The following GLDN variants were observed in gnomAD, a reference collection of about 807,000 sequenced individuals.
The protein encoded by GLDN is gliomedin, also known as collomin.
In GLDN, 47 loss-of-function variants were observed where a neutral mutation model predicts 56.5. The observed-to-expected ratio is 0.83, with a 90% CI of 0.66 to 1.06. GLDN has a LOEUF of 1.06. Among genes scored for constraint, GLDN ranks in the 50% least tolerant of loss-of-function variants. GLDN has a pLI of 0.00. For synonymous variants in GLDN, 332 were observed against 278.8 expected (o/e 1.19, Z -1.90); for missense variants, 782 against 714.3 (o/e 1.09, Z -1.08).
intron 2 of GLDN, among the ~76,000 whole-genome samples, chr15:51,380,044 C>T (rs1214865120): frequency 6.6e-6 from 1 of 152,126 alleles, no homozygotes; most frequent in African/African-American, 2.4e-5. Context: ...TGCCCCAGCC[C>T]CTACCAGAGT....
At chr15:51,390,647 G>C (rs1018111579) in intron 4 of GLDN, among the ~76,000 whole-genome samples, 15 of 152,214 alleles carry the variant, frequency 9.9e-5, no homozygotes, top group Admixed American at 7.2e-4. Context: ...AGCAACAAAT[G>C]ATACTGCTGA....
chr15:51,400,329 C>A, intron 7 of GLDN, 44 bp from the exon 8 acceptor site: 1 of 1,614,026 alleles, frequency 6.2e-7, no homozygotes. Flanking sequence ...ACCTTCAAGT[C>A]ATAATTGGCA....
chr15:51,345,360 G>A (rs751168926), intron 1 of GLDN, among the ~76,000 whole-genome samples: 57 of 152,136 alleles, frequency 3.7e-4, no homozygotes, highest in Non-Finnish European at 6.2e-4. Flanking sequence ...GATAATTGTT[G>A]TCCTTGAGGG....
rs977362732 is a variant in GLDN, at chr15:51,394,773, T to C, written c.542-62T>C. The C allele has an allele frequency of 7.6e-6, 12 of 1,574,006 alleles. No individual in the cohort carries two copies. In the African/African-American group the frequency reaches 1.2e-4, roughly 16 times the overall value. ...CTGGAAAGCACAAAGCACAGTAATA[T>C]AAAGTGGTGTGCCAGAACTTTTTGC... On this transcript the variant is annotated intron_variant, in intron 4 of 9. Coordinates refer to ENST00000335449, the MANE Select transcript of GLDN (RefSeq NM_181789.4).
intron 5 of GLDN, among the ~76,000 whole-genome samples, chr15:51,396,478 C>T (rs2038131915): frequency 6.6e-6 from 1 of 152,168 alleles, no homozygotes; most frequent in Non-Finnish European, 1.5e-5. Flanking sequence ...GAGGAAAGAG[C>T]AGGTGACAGC....
chr15:51,348,837 T>A (rs893295652), intron 1 of GLDN, among the ~76,000 whole-genome samples: 11 of 152,228 alleles, frequency 7.2e-5, no homozygotes, highest in Non-Finnish European at 1.6e-4. Flanking sequence ...CTCAGAATCA[T>A]GAGTGGCTTT....
chr15:51,380,087 A>G (rs2037724101), intron 2 of GLDN, among the ~76,000 whole-genome samples: 1 of 152,138 alleles, frequency 6.6e-6, no homozygotes, highest in Non-Finnish European at 1.5e-5. Flanking sequence ...TGGGGCAAGG[A>G]GTACAGAGGA....
At chr15:51,387,825 AATAC>A (rs1261798050) in intron 4 of GLDN, among the ~76,000 whole-genome samples, 4 of 152,126 alleles carry the variant, frequency 2.6e-5, no homozygotes, top group African/African-American at 9.7e-5. Flanking sequence ...TTGGAACCAT[AATAC>A]ATAGCCAGCA....
At chr15:51,391,929 T>C (rs569993162) in intron 4 of GLDN, among the ~76,000 whole-genome samples, 3 of 152,220 alleles carry the variant, frequency 2.0e-5, no homozygotes, top group Non-Finnish European at 4.4e-5. Context: ...GTAGCTGAAT[T>C]TCATAGTTTT....
chr15:51,401,542 C>T (rs2038249510), intron 8 of GLDN, 51 bp from the exon 9 acceptor site: 7 of 1,557,150 alleles, frequency 4.5e-6, no homozygotes, highest in Middle Eastern at 1.7e-4. Flanking sequence ...CCCTCCCAAG[C>T]TGTGATTGCT....
intron 2 of GLDN, 62 bp from the exon 3 acceptor site, chr15:51,383,374 G>T: frequency 1.9e-6 from 3 of 1,561,944 alleles, no homozygotes; most frequent in South Asian, 1.1e-5. Context: ...TGAAGGTCGG[G>T]GGTGCTCTTT....
rs892595998 is a variant in GLDN at position 51,390,271 on chromosome 15, A to ATTG, written c.542-4555_542-4553dup. Among the ~76,000 whole-genome samples, 148 of 152,352 alleles carry ATTG rather than the reference A, an allele frequency of 9.7e-4. 1 individual carries two copies. The highest frequency in any genetic ancestry group is 3.5e-3 in the African/African-American group (146 of 41,576). On this transcript the variant is annotated intron_variant, in intron 4 of 9. Coordinates refer to ENST00000335449, the MANE Select transcript of GLDN (RefSeq NM_181789.4). ...AAGTGCTATACTGGTGTTAGCTATT[A>ATTG]TTGTTGTTGTTTTCAAAAGTCGGGA...
intron 1 of GLDN, among the ~76,000 whole-genome samples, chr15:51,362,484 TAAAA>T (rs59898719): frequency 4.6e-5 from 6 of 131,834 alleles, no homozygotes; most frequent in Admixed American, 1.5e-4. Context: ...GACTCTGTCT[TAAAA>T]AAAAAAAAAA....
At chr15:51,385,920 G>A (rs2037880652) in intron 4 of GLDN, among the ~76,000 whole-genome samples, 1 of 152,190 alleles carries the variant, frequency 6.6e-6, no homozygotes, top group Admixed American at 6.5e-5. Context: ...TGTACTCAGA[G>A]AAAAACGGGG....
intron 1 of GLDN, among the ~76,000 whole-genome samples, chr15:51,374,546 C>T (rs184034424): frequency 2.0e-5 from 3 of 152,230 alleles, no homozygotes; most frequent in Admixed American, 2.0e-4. Flanking sequence ...ATGATGGCAT[C>T]TCTCTAAGCC....
intron 3 of GLDN, among the ~76,000 whole-genome samples, 166 bp downstream of exon 3, chr15:51,383,619 C>A (rs770100057): frequency 1.3e-5 from 2 of 152,214 alleles, no homozygotes; most frequent in Non-Finnish European, 2.9e-5. Context: ...ACCATCCCCC[C>A]ACTTGGCACT....
chr15:51,402,636 T>C (rs2038279724), intron 9 of GLDN, among the ~76,000 whole-genome samples: 5 of 152,364 alleles, frequency 3.3e-5, no homozygotes. Flanking sequence ...ACAGTGACTT[T>C]GAGGGAGGAC....
At position 51,371,496 on chromosome 15, in the gene GLDN, T is replaced by C. The variant is rs1320994076; in HGVS notation, c.364-5953T>C. Among the ~76,000 whole-genome samples, 6 of 152,194 alleles carry C rather than the reference T, an allele frequency of 3.9e-5. No individual in the cohort carries two copies. The East Asian group carries it at 1.2e-3, about 29-fold the overall frequency. ...CTGTTCTTTTTCTCCTGGGGCCTCTTCCTTGGCCAAGATCCCCAAGAGTTC... is the reference window on the plus strand; with the variant it reads ...CTGTTCTTTTTCTCCTGGGGCCTCTCCCTTGGCCAAGATCCCCAAGAGTTC... On this transcript the variant is annotated intron_variant, in intron 1 of 9. Transcript: ENST00000335449.
intron 1 of GLDN, among the ~76,000 whole-genome samples, chr15:51,373,426 T>G (rs986200323): frequency 6.6e-6 from 1 of 152,236 alleles, no homozygotes; most frequent in South Asian, 2.1e-4. Context: ...TATGGATAAC[T>G]GACTATATTT....
Sources: allele counts gnomAD v4.1 joint callset (sites outside exome capture counted in the v4.1 genomes callset), GRCh38; gene constraint gnomAD v4.1.1; transcripts MANE v1.5; gene names NCBI Gene and HGNC (gene_info 2026-07-23, HGNC 2026-07-21).